LRRC4C: variants seen among roughly 807,000 people sequenced by gnomAD.
LRRC4C encodes the protein leucine-rich repeat-containing protein 4C.
LRRC4C carries 5 observed loss-of-function variants against 33.6 expected under a neutral mutation model. The observed-to-expected ratio is 0.15, with a 90% CI of 0.08 to 0.31. The LOEUF (loss-of-function observed/expected upper bound fraction) is 0.31. Among genes scored for constraint, LRRC4C ranks in the 10% least tolerant of loss-of-function variants. The pLI, the probability that LRRC4C is intolerant of heterozygous loss-of-function variation, is 1.00. For synonymous variants in LRRC4C, 329 were observed against 302.0 expected (o/e 1.09, Z -0.93); for missense variants, 560 against 796.7 (o/e 0.70, Z 3.58).
At chr11:40,423,446 G>C (rs965680747) in intron 3 of LRRC4C, among the ~76,000 whole-genome samples, 11 of 144,162 alleles carry the variant, frequency 7.6e-5, no homozygotes, top group Non-Finnish European at 7.5e-5. Context: ...CCGGGTTCAC[G>C]CCATTCTCCT....
At chr11:40,613,009 T>C (rs1248403302) in intron 3 of LRRC4C, among the ~76,000 whole-genome samples, 1 of 151,984 alleles carries the variant, frequency 6.6e-6, no homozygotes, top group Non-Finnish European at 1.5e-5. Flanking sequence ...TTAAAAATGC[T>C]AACAAGCATC....
intron 2 of LRRC4C, among the ~76,000 whole-genome samples, chr11:40,903,429 C>A (rs1361133195): frequency 6.6e-6 from 1 of 152,168 alleles, no homozygotes; most frequent in Admixed American, 6.5e-5. Flanking sequence ...CATTCTGCAA[C>A]CCATAGATGA....
intron 1 of LRRC4C, among the ~76,000 whole-genome samples, chr11:40,935,925 C>T (rs1464272573): frequency 1.3e-5 from 2 of 148,388 alleles, no homozygotes; most frequent in African/African-American, 2.5e-5. Flanking sequence ...AACACATTCT[C>T]CATCTTTAAA....
At chr11:40,942,571 A>C (rs1468835860) in intron 1 of LRRC4C, among the ~76,000 whole-genome samples, 2 of 152,140 alleles carry the variant, frequency 1.3e-5, no homozygotes, top group African/African-American at 2.4e-5. Context: ...TGGAGCATGT[A>C]CGTAAGTGTG....
intron 3 of LRRC4C, among the ~76,000 whole-genome samples, chr11:40,389,039 G>T (rs1449123938): frequency 2.0e-5 from 3 of 152,108 alleles, no homozygotes; most frequent in Non-Finnish European, 1.5e-5. Context: ...GAAGATTGTT[G>T]TCATTTTTTC....
chr11:40,575,342 T>C (rs72886956), intron 3 of LRRC4C, among the ~76,000 whole-genome samples: 1,628 of 151,892 alleles, frequency 0.011, 24 homozygotes, highest in African/African-American at 0.026. Flanking sequence ...CAAAAACATA[T>C]GAAAATAAAA....
chr11:41,058,720 G>A (rs1706102350), intron 1 of LRRC4C, among the ~76,000 whole-genome samples: 2 of 152,142 alleles, frequency 1.3e-5, no homozygotes, highest in Admixed American at 1.3e-4. Context: ...TGTACTCAAA[G>A]GAATATAAAT....
chr11:41,156,440 C>T (rs1944236282), intron 1 of LRRC4C, among the ~76,000 whole-genome samples: 1 of 152,040 alleles, frequency 6.6e-6, no homozygotes, highest in South Asian at 2.1e-4. Flanking sequence ...TTTGAATTGT[C>T]TTTTTCTACA....
intron 1 of LRRC4C, among the ~76,000 whole-genome samples, chr11:41,040,401 G>T (rs1857361769): frequency 6.6e-6 from 1 of 152,102 alleles, no homozygotes; most frequent in African/African-American, 2.4e-5. Context: ...GCATCCTGAG[G>T]TCTTTCAAGT....
intron 1 of LRRC4C, among the ~76,000 whole-genome samples, chr11:41,150,890 CAG>C (rs1222232253): frequency 6.6e-6 from 1 of 151,956 alleles, no homozygotes; most frequent in Non-Finnish European, 1.5e-5. Context: ...TCAAAAGAGA[CAG>C]AGAAAACATA....
At chr11:40,600,895 T>C (rs1959926366) in intron 3 of LRRC4C, among the ~76,000 whole-genome samples, 2 of 152,270 alleles carry the variant, frequency 1.3e-5, no homozygotes, top group South Asian at 4.1e-4. Context: ...ATATGAGGAA[T>C]CACATACAAT....
chr11:40,208,948 C>CGTGTGTGTGTGTGTGTGTGT (rs58767227), intron 5 of LRRC4C, among the ~76,000 whole-genome samples: 1 of 146,640 alleles, frequency 6.8e-6, no homozygotes, highest in Non-Finnish European at 1.5e-5. Flanking sequence ...CTTTTGTGCA[C>CGTGTGTGTGTGTGTGTGTGT]GTGTGTGTGT....
At chr11:41,032,707 T>C (rs1856800962) in intron 1 of LRRC4C, among the ~76,000 whole-genome samples, 1 of 151,866 alleles carries the variant, frequency 6.6e-6, no homozygotes, top group Admixed American at 6.6e-5. Flanking sequence ...ACTAATCATT[T>C]AGTAACTGAA....
intron 1 of LRRC4C, among the ~76,000 whole-genome samples, chr11:41,115,223 CT>C (rs2135725538): frequency 6.6e-6 from 1 of 152,020 alleles, no homozygotes; most frequent in East Asian, 1.9e-4. Context: ...AAAGCAGGAC[CT>C]TCTTTTGATA....
intron 3 of LRRC4C, among the ~76,000 whole-genome samples, chr11:40,451,941 G>A (rs1210741233): frequency 3.3e-5 from 5 of 152,130 alleles, no homozygotes; most frequent in Non-Finnish European, 5.9e-5. Context: ...GACAGTGGGT[G>A]CAGGACAGTG....
intron 3 of LRRC4C, among the ~76,000 whole-genome samples, chr11:40,329,860 G>T (rs1188104673): frequency 6.6e-6 from 1 of 150,918 alleles, no homozygotes; most frequent in African/African-American, 2.4e-5. Flanking sequence ...TCCTGCCTCA[G>T]CCTCTCGAGT....
chr11:41,078,276 G>C (rs1939303939), intron 1 of LRRC4C, among the ~76,000 whole-genome samples: 1 of 152,086 alleles, frequency 6.6e-6, no homozygotes, highest in Non-Finnish European at 1.5e-5. Flanking sequence ...CCTCCAAACT[G>C]TTCCAACTTC....
At chr11:40,665,160 A>G (rs891899350) in intron 2 of LRRC4C, among the ~76,000 whole-genome samples, 3 of 151,402 alleles carry the variant, frequency 2.0e-5, no homozygotes, top group Non-Finnish European at 4.4e-5. Flanking sequence ...TATTCAGGAA[A>G]TCAAAGGTAT....
intron 1 of LRRC4C, among the ~76,000 whole-genome samples, chr11:41,300,729 A>T (rs1950261834): frequency 6.6e-6 from 1 of 152,114 alleles, no homozygotes; most frequent in Non-Finnish European, 1.5e-5. Context: ...CCAGAACTTA[A>T]CTATGTCCAT....
Sources: allele counts gnomAD v4.1 joint callset (sites outside exome capture counted in the v4.1 genomes callset), GRCh38; gene constraint gnomAD v4.1.1; transcripts MANE v1.5; gene names NCBI Gene and HGNC (gene_info 2026-07-23, HGNC 2026-07-21).